The following DNAH9 variants were observed in gnomAD, a reference collection of about 807,000 sequenced individuals.
DNAH9 encodes dynein axonemal heavy chain 9.
DNAH9 carries 345 observed loss-of-function variants against 471.6 expected under a neutral mutation model. The ratio of observed to expected loss-of-function variants is 0.73; its 90% CI spans 0.67 to 0.80. DNAH9 has a LOEUF of 0.80. Among genes scored for constraint, DNAH9 ranks in the 30% least tolerant of loss-of-function variants. DNAH9 has a pLI of 0.00. For missense variants in DNAH9, 5,407 were observed against 5,609.2 expected (o/e 0.96, Z 1.15); for synonymous variants, 2,093 against 2,123.6 (o/e 0.99, Z 0.40).
In DNAH9 at chr17:11,795,095, TAA is replaced by T. The variant is rs563256450; in HGVS notation, c.8223+1432_8223+1433del. Reference sequence around the variant, plus strand: ...TAATAAAAAAATACATATATATATATAAGACATTAAAGTTCTGAAATCTTGAA... The same window carrying T: ...TAATAAAAAAATACATATATATATATGACATTAAAGTTCTGAAATCTTGAA... On this transcript the variant is annotated intron_variant, in intron 42 of 68. Coordinates refer to ENST00000262442, the MANE Select transcript of DNAH9 (RefSeq NM_001372.4). Among the ~76,000 whole-genome samples the T allele has an allele frequency of 9.9e-4, 151 of 152,178 alleles. 1 individual carries two copies. The highest frequency in any genetic ancestry group is 3.0e-3 in the African/African-American group (123 of 41,516).
intron 32 of DNAH9, among the ~76,000 whole-genome samples, chr17:11,751,986 T>C (rs773373662): frequency 6.6e-6 from 1 of 152,168 alleles, no homozygotes; most frequent in African/African-American, 2.4e-5. Flanking sequence ...AGGAGAAAAT[T>C]CTTTTCACAG....
intron 66 of DNAH9, among the ~76,000 whole-genome samples, chr17:11,941,916 T>A (rs1483939428): frequency 6.6e-6 from 1 of 152,232 alleles, no homozygotes; most frequent in Admixed American, 6.5e-5. Flanking sequence ...TTGCTGCTCA[T>A]CACTTCAGCT....
chr17:11,864,015 A>G (rs936927989), intron 50 of DNAH9, among the ~76,000 whole-genome samples: 8 of 150,256 alleles, frequency 5.3e-5, no homozygotes, highest in East Asian at 2.0e-4. Flanking sequence ...TTGTGTCTCT[A>G]TTTCCTTCAG....
chr17:11,647,642 G>A (rs1597430874), intron 12 of DNAH9, among the ~76,000 whole-genome samples: 1 of 152,148 alleles, frequency 6.6e-6, no homozygotes, highest in Non-Finnish European at 1.5e-5. Context: ...ATGTCTGAAG[G>A]CCATTGACTA....
chr17:11,943,056 G>A (rs530281566), intron 67 of DNAH9, among the ~76,000 whole-genome samples: 160 of 151,630 alleles, frequency 1.1e-3, no homozygotes, highest in Non-Finnish European at 1.9e-3. Context: ...CCACCACGCC[G>A]GCTAATTTTT....
chr17:11,738,437 G>A (rs1006691258), intron 28 of DNAH9, among the ~76,000 whole-genome samples: 3 of 152,148 alleles, frequency 2.0e-5, no homozygotes, highest in African/African-American at 7.2e-5. Flanking sequence ...CTGGAGTGCA[G>A]TAGCATGATC....
intron 44 of DNAH9, among the ~76,000 whole-genome samples, chr17:11,808,881 G>C (rs1175434856): frequency 6.6e-6 from 1 of 152,144 alleles, no homozygotes; most frequent in African/African-American, 2.4e-5. Flanking sequence ...TGAGAACTGA[G>C]AAACACTGTC....
At chr17:11,674,819 C>T (rs1276202394) in intron 17 of DNAH9, among the ~76,000 whole-genome samples, 2 of 152,040 alleles carry the variant, frequency 1.3e-5, no homozygotes, top group African/African-American at 4.8e-5. Flanking sequence ...AAAATTTTAT[C>T]TTTCACATTA....
At chr17:11,764,141 C>A (rs1163017050) in intron 36 of DNAH9, among the ~76,000 whole-genome samples, 1 of 152,104 alleles carries the variant, frequency 6.6e-6, no homozygotes, top group East Asian at 1.9e-4. Context: ...GATTGGAAAA[C>A]CAAAGTGGAA....
chr17:11,926,589 G>A (rs1160575031), intron 62 of DNAH9, among the ~76,000 whole-genome samples: 2 of 152,050 alleles, frequency 1.3e-5, no homozygotes, highest in African/African-American at 2.4e-5. Context: ...ACATGATCTC[G>A]TTCCTTTTTA....
rs1380093049 is a variant in DNAH9 at position 11,669,530 on chromosome 17, T to G, written c.3089T>G (p.Leu1030Arg). 6.2e-7 allele frequency: 1 copy of G among 1,614,164 alleles called. No individual in the cohort carries two copies. The highest frequency in any genetic ancestry group is 8.5e-7 in the Non-Finnish European group (1 of 1,180,032). Residue 1030 changes from leucine to arginine, a missense_variant, in exon 17 of 69, where the codon CTG becomes CGG. This residue lies in a region of DNAH9 where 4,636 missense variants were observed against 4,900.3 expected (regional missense o/e 0.95). Transcript: ENST00000262442. ...AAGGAGGTTCTGGGTCAGTTTCTGC[T>G]GTACGGGCACATCCTCACTCCGGAA... is the stretch of plus-strand genomic sequence containing the variant. ...DRKEVLGQFL[L>R]YGHILTPEEI...
At chr17:11,715,531 G>A (rs1167625918) in intron 26 of DNAH9, among the ~76,000 whole-genome samples, 1 of 152,178 alleles carries the variant, frequency 6.6e-6, no homozygotes, top group African/African-American at 2.4e-5. Flanking sequence ...CATGGTGAAA[G>A]AGTCAAACGG....
intron 38 of DNAH9, among the ~76,000 whole-genome samples, chr17:11,774,813 G>A (rs1052725193): frequency 1.3e-5 from 2 of 151,888 alleles, no homozygotes; most frequent in African/African-American, 4.8e-5. Context: ...TTCTCCTACT[G>A]AAAGGCAGCA....
At chr17:11,859,084 CA>C (rs56040033) in intron 50 of DNAH9, among the ~76,000 whole-genome samples, 169 of 64,366 alleles carry the variant, frequency 2.6e-3, no homozygotes, top group Admixed American at 4.2e-3. Flanking sequence ...AACCCCGTCT[CA>C]AAAAAAAAAA....
intron 43 of DNAH9, among the ~76,000 whole-genome samples, chr17:11,804,952 G>T (rs1335110787): frequency 6.6e-6 from 1 of 151,940 alleles, no homozygotes; most frequent in East Asian, 1.9e-4. Context: ...TACTCGGGAG[G>T]CTGAAGCAGG....
chr17:11,933,255 TCTAG>T (rs1974579950), intron 64 of DNAH9, among the ~76,000 whole-genome samples: 1 of 152,220 alleles, frequency 6.6e-6, no homozygotes, highest in Non-Finnish European at 1.5e-5. Context: ...TTAAAGAATT[TCTAG>T]GTAGAGCCTG....
At chr17:11,776,907 TTTC>T (rs1331798044) in intron 38 of DNAH9, among the ~76,000 whole-genome samples, 1 of 152,192 alleles carries the variant, frequency 6.6e-6, no homozygotes, top group African/African-American at 2.4e-5. Context: ...ATTCCAGCAG[TTTC>T]TCTGAACTCC....
chr17:11,599,742 T>A (rs1850189852), intron 1 of DNAH9, among the ~76,000 whole-genome samples: 1 of 152,050 alleles, frequency 6.6e-6, no homozygotes, highest in Admixed American at 6.6e-5. Flanking sequence ...GCTGTGTGCT[T>A]ATGGAGGCTT....
In DNAH9 at chr17:11,764,177, A is replaced by C. The variant is rs374580394; in HGVS notation, c.7170+563A>C. Among the ~76,000 whole-genome samples the C allele has an allele frequency of 2.2e-3, 339 of 152,344 alleles. 1 individual carries two copies. Among genetic ancestry groups the C allele is most frequent in the Middle Eastern group, 0.01 (3 of 294 alleles). ...TTTATCTTATAGTGTTGACTGCTAT[A>C]GTCTCATGTTGATTGGAAGAAGGGA... On this transcript the variant is annotated intron_variant, in intron 36 of 68. Transcript: ENST00000262442.
Sources: allele counts gnomAD v4.1 joint callset (sites outside exome capture counted in the v4.1 genomes callset), GRCh38; gene constraint gnomAD v4.1.1; regional missense constraint gnomAD v4.1.1; transcripts MANE v1.5; gene names NCBI Gene and HGNC (gene_info 2026-07-23, HGNC 2026-07-21).